Variants in NRG3 observed in about 807,000 individuals in gnomAD.
The protein encoded by NRG3 is neuregulin 3.
Under a neutral mutation model 66.9 loss-of-function variants are expected in NRG3, and 31 were observed. The observed-to-expected ratio is 0.46, with a 90% CI of 0.35 to 0.63. The LOEUF (loss-of-function observed/expected upper bound fraction) is 0.63, where lower values mean the gene tolerates loss of function less well. Ranked by LOEUF, NRG3 falls within the 20% of genes least tolerant of loss-of-function variation. The pLI, the probability that NRG3 is intolerant of heterozygous loss-of-function variation, is 0.00. For synonymous variants in NRG3, 393 were observed against 359.4 expected (o/e 1.09, Z -1.06); for missense variants, 910 against 878.9 (o/e 1.04, Z -0.45).
chr10:81,986,769 T>G (rs2060533977), intron 1 of NRG3, among the ~76,000 whole-genome samples: 2 of 152,166 alleles, frequency 1.3e-5, no homozygotes, highest in African/African-American at 4.8e-5. Context: ...ATTGCCATCT[T>G]GATCTACTGG....
chr10:81,975,216 A>G (rs886446620), intron 1 of NRG3, among the ~76,000 whole-genome samples: 2 of 152,186 alleles, frequency 1.3e-5, no homozygotes, highest in African/African-American at 4.8e-5. Flanking sequence ...AGAGACAAAT[A>G]AAAAATGTGA....
intron 2 of NRG3, among the ~76,000 whole-genome samples, chr10:82,480,906 A>G (rs1039615839): frequency 6.6e-6 from 1 of 152,232 alleles, no homozygotes; most frequent in African/African-American, 2.4e-5. Flanking sequence ...CAATGAGACA[A>G]TCTACCAGTG....
At chr10:82,017,599 T>A (rs1227898773) in intron 1 of NRG3, among the ~76,000 whole-genome samples, 1 of 152,050 alleles carries the variant, frequency 6.6e-6, no homozygotes, top group Non-Finnish European at 1.5e-5. Flanking sequence ...CTCCAGCACC[T>A]GTTGTTTCCT....
chr10:82,910,108 C>T (rs1163700643), intron 4 of NRG3, among the ~76,000 whole-genome samples: 2 of 152,170 alleles, frequency 1.3e-5, no homozygotes. Flanking sequence ...ATACCAATTA[C>T]AATGAGCTGA....
At chr10:82,776,134 G>A (rs2059905703) in intron 3 of NRG3, among the ~76,000 whole-genome samples, 1 of 152,094 alleles carries the variant, frequency 6.6e-6, no homozygotes, top group African/African-American at 2.4e-5. Flanking sequence ...TACATCTTCT[G>A]ACATTTTGCA....
rs146022899 is a variant in NRG3 at position 82,002,934 on chromosome 10, T to C, written c.823+126771T>C. On this transcript the variant is annotated intron_variant, in intron 1 of 8. Transcript: ENST00000372141. ...TTGGAAGAGGGGGAGAGCAGTGTTA[T>C]TATCTAACTCACATTTTGAAAAGAT... Among the ~76,000 whole-genome samples, 659 of 152,322 alleles carry C rather than the reference T, an allele frequency of 4.3e-3. 1 individual carries two copies. The highest frequency in any genetic ancestry group is 0.01 in the Middle Eastern group (3 of 294).
intron 3 of NRG3, among the ~76,000 whole-genome samples, chr10:82,781,225 G>T (rs116810939): frequency 6.6e-6 from 1 of 152,072 alleles, no homozygotes; most frequent in Non-Finnish European, 1.5e-5. Flanking sequence ...ATAATTGTAC[G>T]TAGAGGAGAG....
At chr10:82,906,377 TTTTAG>T (rs1844738078) in intron 4 of NRG3, among the ~76,000 whole-genome samples, 1 of 152,214 alleles carries the variant, frequency 6.6e-6, no homozygotes, top group Admixed American at 6.5e-5. Context: ...TCTAGTCCTT[TTTTAG>T]TTGCTGCTGT....
intron 1 of NRG3, among the ~76,000 whole-genome samples, chr10:82,027,926 G>T (rs1032390875): frequency 1.1e-4 from 16 of 152,090 alleles, no homozygotes; most frequent in Non-Finnish European, 2.9e-5. Context: ...ACTCAGATCC[G>T]GGTTGTGCAA....
At chr10:82,706,326 T>C (rs1209466482) in intron 2 of NRG3, among the ~76,000 whole-genome samples, 2 of 152,200 alleles carry the variant, frequency 1.3e-5, no homozygotes, top group Non-Finnish European at 2.9e-5. Flanking sequence ...ATTGCCTAGT[T>C]ACCATTTTGG....
intron 4 of NRG3, among the ~76,000 whole-genome samples, chr10:82,873,456 T>TA (rs1295020832): frequency 2.0e-5 from 3 of 152,194 alleles, no homozygotes; most frequent in African/African-American, 4.8e-5. Flanking sequence ...TTCATAAGCC[T>TA]AAATATTCAT....
chr10:82,977,986 A>G (rs1852461960), intron 7 of NRG3, among the ~76,000 whole-genome samples: 1 of 152,142 alleles, frequency 6.6e-6, no homozygotes, highest in Admixed American at 6.5e-5. Context: ...GGTTGTATTG[A>G]TATTTACAGA....
chr10:82,205,002 C>A (rs1399173077), intron 1 of NRG3, among the ~76,000 whole-genome samples: 1 of 152,078 alleles, frequency 6.6e-6, no homozygotes, highest in Non-Finnish European at 1.5e-5. Flanking sequence ...TAGACTCAGA[C>A]AAGTTGGGAA....
Position 81,875,778 on chromosome 10 carries a change from C to A in NRG3, c.438C>A (p.Ala146=). 6.2e-7 allele frequency: 1 copy of A among 1,611,638 alleles called. No homozygotes were observed. Among genetic ancestry groups the A allele is most frequent in the East Asian group, 2.2e-5 (1 of 44,848 alleles). ...SPATPSAGGA[A]SSRTPNRIST... Reference sequence around the variant, plus strand: ...CCACCCCCTCCGCCGGGGGTGCCGCCTCCTCCAGGACGCCCAACCGGATTA... The same window carrying A: ...CCACCCCCTCCGCCGGGGGTGCCGCATCCTCCAGGACGCCCAACCGGATTA... The change falls in exon 1 of 9, where the codon GCC becomes GCA. Residue 146 remains alanine (A), a synonymous_variant. Transcript: ENST00000372141. The surrounding 1 kb of genome is among the most constrained non-coding windows in gnomAD (Gnocchi z 5.3).
chr10:82,860,453 A>G (rs2064063096), intron 3 of NRG3, among the ~76,000 whole-genome samples: 1 of 152,180 alleles, frequency 6.6e-6, no homozygotes, highest in South Asian at 2.1e-4. Flanking sequence ...ACTGGTAGCT[A>G]AGAGCCAAGC....
At chr10:82,879,774 C>A (rs1017138732) in intron 4 of NRG3, among the ~76,000 whole-genome samples, 1 of 151,962 alleles carries the variant, frequency 6.6e-6, no homozygotes, top group African/African-American at 2.4e-5. Context: ...CCATGCCCGG[C>A]CTAATGAAGA....
chr10:82,534,268 T>G (rs1287794154), intron 2 of NRG3, among the ~76,000 whole-genome samples: 1 of 140,796 alleles, frequency 7.1e-6, no homozygotes, highest in Non-Finnish European at 1.5e-5. Context: ...ATCCATTTTG[T>G]TTTTTTTTTT....
intron 1 of NRG3, among the ~76,000 whole-genome samples, chr10:82,224,659 C>A (rs1481132592): frequency 6.6e-6 from 1 of 152,146 alleles, no homozygotes; most frequent in Non-Finnish European, 1.5e-5. Context: ...ATCTACATGA[C>A]TTAACCCTAG....
chr10:81,937,449 TTAA>T (rs1376295998), intron 1 of NRG3, among the ~76,000 whole-genome samples: 1 of 152,124 alleles, frequency 6.6e-6, no homozygotes, highest in Admixed American at 6.6e-5. Flanking sequence ...ATTATTATTT[TTAA>T]TAATGGCCAT....
Sources: allele counts gnomAD v4.1 joint callset (sites outside exome capture counted in the v4.1 genomes callset), GRCh38; gene constraint gnomAD v4.1.1; non-coding constraint Gnocchi (gnomAD v3.1); transcripts MANE v1.5; gene names NCBI Gene and HGNC (gene_info 2026-07-23, HGNC 2026-07-21).